The following DAB1 variants were observed in gnomAD, a reference collection of about 807,000 sequenced individuals.
DAB1 encodes the protein disabled homolog 1.
DAB1 carries 15 observed loss-of-function variants against 64.6 expected under a neutral mutation model. The observed-to-expected ratio is 0.23, with a 90% CI of 0.16 to 0.36. The LOEUF (loss-of-function observed/expected upper bound fraction) is 0.36. Ranked by LOEUF, DAB1 falls within the 10% of genes least tolerant of loss-of-function variation. The pLI, the probability that DAB1 is intolerant of heterozygous loss-of-function variation, is 1.00. For missense variants in DAB1, 596 were observed against 706.7 expected (o/e 0.84, Z 1.78); for synonymous variants, 235 against 251.9 (o/e 0.93, Z 0.64).
intron 5 of DAB1, among the ~76,000 whole-genome samples, chr1:58,014,687 C>T (rs1424599041): frequency 2.0e-5 from 3 of 152,214 alleles, no homozygotes; most frequent in Non-Finnish European, 2.9e-5. Flanking sequence ...GGTCTTCCAT[C>T]TCAGTGGCTC....
intron 3 of DAB1, among the ~76,000 whole-genome samples, chr1:58,377,285 T>C (rs1644337413): frequency 1.4e-5 from 2 of 146,262 alleles, no homozygotes; most frequent in South Asian, 4.7e-4. Flanking sequence ...CGATGGTCTT[T>C]ACATTTTGGC....
At chr1:57,756,549 C>T (rs762611017) in intron 6 of DAB1, among the ~76,000 whole-genome samples, 15 of 151,860 alleles carry the variant, frequency 9.9e-5, no homozygotes, top group Admixed American at 1.3e-4. Context: ...GGGTTTTAAT[C>T]GGAAATGACA....
At chr1:58,486,914 G>A (rs775201810) in intron 3 of DAB1, among the ~76,000 whole-genome samples, 1 of 152,232 alleles carries the variant, frequency 6.6e-6, no homozygotes, top group Non-Finnish European at 1.5e-5. Flanking sequence ...GGGGCATGTG[G>A]TGAAGTTGGA....
At chr1:58,193,363 T>C (rs1329707420) in intron 4 of DAB1, among the ~76,000 whole-genome samples, 1 of 152,232 alleles carries the variant, frequency 6.6e-6, no homozygotes, top group Non-Finnish European at 1.5e-5. Flanking sequence ...GCCATGATTA[T>C]TGTACAGCCC....
chr1:58,438,972 T>C (rs1156807375), intron 3 of DAB1, among the ~76,000 whole-genome samples: 1 of 151,934 alleles, frequency 6.6e-6, no homozygotes, highest in Non-Finnish European at 1.5e-5. Context: ...CAGTGTGACG[T>C]AGGGAGGGTG....
intron 7 of DAB1, among the ~76,000 whole-genome samples, chr1:57,445,450 G>T (rs915702145): frequency 6.6e-6 from 1 of 152,086 alleles, no homozygotes; most frequent in Non-Finnish European, 1.5e-5. Flanking sequence ...TCTTCCCTAA[G>T]TACAATCCCA....
intron 3 of DAB1, among the ~76,000 whole-genome samples, chr1:58,493,819 T>G (rs1210621497): frequency 2.0e-5 from 3 of 152,086 alleles, no homozygotes; most frequent in East Asian, 3.9e-4. Context: ...GAAGAATCAA[T>G]ATGGTGAAAA....
chr1:58,414,066 C>A (rs1164775506), intron 3 of DAB1, among the ~76,000 whole-genome samples: 2 of 152,156 alleles, frequency 1.3e-5, no homozygotes, highest in African/African-American at 4.8e-5. Context: ...ATTTCAGTAT[C>A]TAAACATATC....
At chr1:57,070,586 T>C (rs966756627) in intron 7 of DAB1, 1 of 172,204 alleles carries the variant, frequency 5.8e-6, no homozygotes. Flanking sequence ...GTCCTCCTCA[T>C]AGCCTTTCTA....
chr1:57,770,251 A>G (rs1267214142), intron 6 of DAB1, among the ~76,000 whole-genome samples: 1 of 152,084 alleles, frequency 6.6e-6, no homozygotes, highest in African/African-American at 2.4e-5. Flanking sequence ...AAATGAGATA[A>G]TAATAAAAAA....
intron 4 of DAB1, among the ~76,000 whole-genome samples, chr1:57,105,436 C>A (rs1273513581): frequency 6.6e-6 from 1 of 152,016 alleles, no homozygotes; most frequent in South Asian, 2.1e-4. Context: ...CTGTTGTTTG[C>A]TGCTCCAAGG....
intron 7 of DAB1, among the ~76,000 whole-genome samples, chr1:57,459,124 G>T (rs751023144): frequency 5.3e-5 from 8 of 152,008 alleles, no homozygotes; most frequent in Non-Finnish European, 7.4e-5. Context: ...ATTTTACATT[G>T]TGTTCTCTTT....
At chr1:58,164,637 A>G (rs1463297985) in intron 4 of DAB1, among the ~76,000 whole-genome samples, 1 of 152,242 alleles carries the variant, frequency 6.6e-6, no homozygotes, top group Non-Finnish European at 1.5e-5. Flanking sequence ...TCATGCACAC[A>G]TGATAACACA....
intron 6 of DAB1, among the ~76,000 whole-genome samples, chr1:57,738,468 G>A (rs372910767): frequency 1.6e-3 from 239 of 152,160 alleles, no homozygotes; most frequent in African/African-American, 5.5e-3. Context: ...GGGAGCCAGT[G>A]TCATCTCTCC....
At chr1:57,372,475 G>A (rs1680577012) in intron 1 of DAB1, among the ~76,000 whole-genome samples, 1 of 152,160 alleles carries the variant, frequency 6.6e-6, no homozygotes, top group Non-Finnish European at 1.5e-5. Context: ...GAGCCTGCAT[G>A]TTCAGAAACA....
At chr1:57,322,813 C>T (rs1235075367) in intron 1 of DAB1, among the ~76,000 whole-genome samples, 1 of 152,152 alleles carries the variant, frequency 6.6e-6, no homozygotes, top group East Asian at 1.9e-4. Flanking sequence ...GGAGGGGGCT[C>T]ACCACTGTGA....
chr1:57,908,054 T>C (rs1007488371), intron 5 of DAB1, among the ~76,000 whole-genome samples: 1 of 152,112 alleles, frequency 6.6e-6, no homozygotes, highest in Non-Finnish European at 1.5e-5. Flanking sequence ...TGCTCTGTTA[T>C]AATCTTATGG....
intron 3 of DAB1, among the ~76,000 whole-genome samples, chr1:58,393,957 T>C (rs552449381): frequency 7.0e-4 from 107 of 152,312 alleles, no homozygotes; most frequent in Non-Finnish European, 1.3e-3. Context: ...TAAACGTATT[T>C]CAAAACATCA....
chr1:58,287,689 A>G (rs1005257833), intron 4 of DAB1, among the ~76,000 whole-genome samples: 3 of 152,140 alleles, frequency 2.0e-5, no homozygotes, highest in Non-Finnish European at 4.4e-5. Context: ...GTCATATTCT[A>G]TTGGTCAAGC....
Sources: allele counts gnomAD v4.1 joint callset (sites outside exome capture counted in the v4.1 genomes callset), GRCh38; gene constraint gnomAD v4.1.1; transcripts MANE v1.5; gene names NCBI Gene and HGNC (gene_info 2026-07-23, HGNC 2026-07-21).